TMTC1: variants seen among roughly 807,000 people sequenced by gnomAD.
TMTC1 encodes transmembrane O-mannosyltransferase targeting cadherins 1, also known as protein O-mannosyl-transferase TMTC1.
In TMTC1, 73 loss-of-function variants were observed where a neutral mutation model predicts 104.8. The ratio of observed to expected loss-of-function variants is 0.70; its 90% CI spans 0.58 to 0.85. TMTC1 has a LOEUF of 0.85. Ranked by LOEUF, TMTC1 falls within the 40% of genes least tolerant of loss-of-function variation. The probability of loss-of-function intolerance (pLI) is 0.00; values close to 1 mark genes in which losing one functional copy is unlikely to be tolerated. For missense variants in TMTC1, 1,035 were observed against 1,096.1 expected (o/e 0.94, Z 0.79); for synonymous variants, 434 against 428.7 (o/e 1.01, Z -0.15).
At chr12:29,698,183 T>C (rs1941480229) in intron 5 of TMTC1, among the ~76,000 whole-genome samples, 1 of 152,210 alleles carries the variant, frequency 6.6e-6, no homozygotes, top group Non-Finnish European at 1.5e-5. Context: ...GACTGAGGAA[T>C]GTAACCACAT....
chr12:29,663,984 G>A (rs1415037336), intron 5 of TMTC1, among the ~76,000 whole-genome samples: 3 of 151,756 alleles, frequency 2.0e-5, no homozygotes, highest in Non-Finnish European at 4.4e-5. Context: ...TCAGGAGATC[G>A]AGACCATCCC....
At chr12:29,557,405 A>G (rs1279613159) in intron 9 of TMTC1, among the ~76,000 whole-genome samples, 1 of 152,238 alleles carries the variant, frequency 6.6e-6, no homozygotes. Flanking sequence ...CCAGATGCTG[A>G]GCGATCCTTT....
chr12:29,553,550 G>A (rs1945160699), intron 10 of TMTC1, among the ~76,000 whole-genome samples: 1 of 151,924 alleles, frequency 6.6e-6, no homozygotes, highest in South Asian at 2.1e-4. Flanking sequence ...CCTATTCACT[G>A]TAAAGACTCA....
At chr12:29,600,991 C>T (rs1015491914) in intron 7 of TMTC1, among the ~76,000 whole-genome samples, 5 of 152,124 alleles carry the variant, frequency 3.3e-5, no homozygotes, top group Admixed American at 2.0e-4. Context: ...GCCTCTTTAC[C>T]GAATTTGGCA....
At chr12:29,538,628 A>G (rs1030184215) in intron 10 of TMTC1, among the ~76,000 whole-genome samples, 1 of 152,112 alleles carries the variant, frequency 6.6e-6, no homozygotes, top group Non-Finnish European at 1.5e-5. Flanking sequence ...GACCTTTTAC[A>G]TGTGAGCTTA....
chr12:29,584,583 C>A (rs1454998631), intron 7 of TMTC1, among the ~76,000 whole-genome samples: 1 of 151,996 alleles, frequency 6.6e-6, no homozygotes, highest in Non-Finnish European at 1.5e-5. Flanking sequence ...CTAATGCTAG[C>A]CCGCCCCGCT....
intron 7 of TMTC1, among the ~76,000 whole-genome samples, chr12:29,596,238 C>G (rs1184259111): frequency 6.6e-6 from 1 of 152,172 alleles, no homozygotes; most frequent in Non-Finnish European, 1.5e-5. Context: ...AACTCCTGAC[C>G]TCAAGTGGTC....
intron 5 of TMTC1, among the ~76,000 whole-genome samples, chr12:29,710,910 TATATAA>T (rs1299293192): frequency 3.8e-3 from 5 of 1,328 alleles, no homozygotes; most frequent in African/African-American, 4.4e-3. Context: ...ATATTAATAA[TATATAA>T]ATATATATAA....
intron 5 of TMTC1, among the ~76,000 whole-genome samples, chr12:29,741,864 C>A (rs1270177512): frequency 6.6e-6 from 1 of 152,160 alleles, no homozygotes; most frequent in African/African-American, 2.4e-5. Flanking sequence ...ACCTTTATAA[C>A]CTTGGCAGTT....
chr12:29,710,523 T>C (rs1406884607), intron 5 of TMTC1, among the ~76,000 whole-genome samples: 1 of 146,330 alleles, frequency 6.8e-6, no homozygotes, highest in African/African-American at 2.5e-5. Flanking sequence ...GATATATATA[T>C]ATAAAATATA....
At chr12:29,518,053 T>C (rs1944041313) in intron 13 of TMTC1, among the ~76,000 whole-genome samples, 1 of 152,166 alleles carries the variant, frequency 6.6e-6, no homozygotes, top group South Asian at 2.1e-4. Context: ...GATGCCATAG[T>C]TGGAACGTAA....
At chr12:29,545,332 C>T (rs1266306692) in intron 10 of TMTC1, among the ~76,000 whole-genome samples, 1 of 152,188 alleles carries the variant, frequency 6.6e-6, no homozygotes, top group Non-Finnish European at 1.5e-5. Flanking sequence ...ATCACTTGTT[C>T]TCACCCTTTG....
rs574725145 is a variant in TMTC1 at position 29,578,443 on chromosome 12, A to G, written c.1418+4964T>C. Among the ~76,000 whole-genome samples the G allele has an allele frequency of 8.5e-5, 13 of 152,242 alleles. No homozygotes were observed. The East Asian group carries it at 1.7e-3, about 20-fold the overall frequency. ...CCCTGTTTGCTTTTTTGATGCTCCA[A>G]TTTCATACTTCCAGTTATTATCATG... On this transcript the variant is annotated intron_variant, in intron 8 of 17. Transcript: ENST00000539277.
chr12:29,537,289 T>C (rs1944672004), intron 10 of TMTC1, among the ~76,000 whole-genome samples: 1 of 152,224 alleles, frequency 6.6e-6, no homozygotes, highest in Non-Finnish European at 1.5e-5. Flanking sequence ...TATGCACTGA[T>C]TTAGCAATGA....
intron 5 of TMTC1, among the ~76,000 whole-genome samples, chr12:29,693,125 C>T (rs1319729366): frequency 6.9e-6 from 1 of 144,708 alleles, no homozygotes; most frequent in East Asian, 2.3e-4. Flanking sequence ...TTAATTGACA[C>T]ATAATAATTA....
Position 29,520,644 on chromosome 12 carries a change from T to C in TMTC1, c.1862A>G (p.Asn621Ser), listed in dbSNP as rs1437469600. 4 of 1,613,602 alleles carry C rather than the reference T, an allele frequency of 2.5e-6. No homozygotes were observed. Among genetic ancestry groups the C allele is most frequent in the Non-Finnish European group, 3.4e-6 (4 of 1,179,840 alleles). Residue 621 changes from asparagine to serine, a missense_variant, in exon 12 of 18, where the codon AAC becomes AGC. Coordinates refer to ENST00000539277, the MANE Select transcript of TMTC1 (RefSeq NM_001193451.2). ...NCPDSSDLHN[N>S]YGVFLVDTGL... ...AGTATCAACTAAGAAAACCCCATAG[T>C]TGTTGTGTAAATCTGAGCTGTCTGG...
At chr12:29,705,497 T>C (rs570202995) in intron 5 of TMTC1, among the ~76,000 whole-genome samples, 2 of 152,284 alleles carry the variant, frequency 1.3e-5, no homozygotes, top group South Asian at 4.1e-4. Context: ...ACTCAGTCAC[T>C]GGAGACGCAT....
intron 5 of TMTC1, among the ~76,000 whole-genome samples, chr12:29,723,032 A>G (rs1477081429): frequency 6.6e-6 from 1 of 151,964 alleles, no homozygotes; most frequent in African/African-American, 2.4e-5. Context: ...TCTATACACT[A>G]GCATTAAAAG....
intron 2 of TMTC1, among the ~76,000 whole-genome samples, chr12:29,764,148 A>G (rs1404565581): frequency 1.3e-5 from 2 of 152,204 alleles, no homozygotes; most frequent in African/African-American, 2.4e-5. Flanking sequence ...TCTAACAAAT[A>G]TTCAAACACT....
Sources: gnomAD v4.1 joint callset for allele counts (sites outside exome capture counted in the v4.1 genomes callset) on GRCh38, gnomAD v4.1.1 for gene constraint, MANE v1.5 for transcripts, NCBI Gene and HGNC (gene_info 2026-07-23, HGNC 2026-07-21) for gene names.